The following MDGA2 variants were observed in gnomAD, a reference collection of about 807,000 sequenced individuals.
MDGA2 encodes MAM domain-containing glycosylphosphatidylinositol anchor protein 2.
MDGA2 carries 40 observed loss-of-function variants against 117.8 expected under a neutral mutation model. The observed-to-expected ratio is 0.34, with a 90% CI of 0.26 to 0.44. The LOEUF (loss-of-function observed/expected upper bound fraction) is 0.44, where lower values mean the gene tolerates loss of function less well. Ranked by LOEUF, MDGA2 falls within the 20% of genes least tolerant of loss-of-function variation. The pLI, the probability that MDGA2 is intolerant of heterozygous loss-of-function variation, is 1.00. For synonymous variants in MDGA2, 452 were observed against 439.0 expected, an observed-to-expected ratio of 1.03 and a Z score of -0.37; for missense variants, 1,123 against 1,250.6, an observed-to-expected ratio of 0.90 and a Z score of 1.54.
chr14:47,141,338 C>T (rs182932860), intron 4 of MDGA2, among the ~76,000 whole-genome samples: 90 of 152,284 alleles, frequency 5.9e-4, no homozygotes, highest in African/African-American at 2.0e-3. Flanking sequence ...GAGATACCTG[C>T]ACCTCCATAT....
At chr14:47,294,836 A>G (rs567340220) in intron 2 of MDGA2, among the ~76,000 whole-genome samples, 3 of 152,328 alleles carry the variant, frequency 2.0e-5, no homozygotes, top group Non-Finnish European at 4.4e-5. Flanking sequence ...AATGTTTGCT[A>G]AGATTTTTAT....
chr14:47,406,032 A>G (rs1276824166), intron 1 of MDGA2, among the ~76,000 whole-genome samples: 1 of 152,138 alleles, frequency 6.6e-6, no homozygotes, highest in Non-Finnish European at 1.5e-5. Context: ...GTAATGGTCC[A>G]GAGAAACGAA....
chr14:47,205,026 TA>T, intron 3 of MDGA2, among the ~76,000 whole-genome samples: 1 of 151,936 alleles, frequency 6.6e-6, no homozygotes, highest in South Asian at 2.1e-4. Context: ...ACACATATAC[TA>T]GCAAATTTTT....
chr14:46,953,451 G>A (rs1381512755), intron 9 of MDGA2, among the ~76,000 whole-genome samples: 1 of 151,752 alleles, frequency 6.6e-6, no homozygotes. Context: ...AGTTAGAAGG[G>A]CATTCTACTT....
intron 1 of MDGA2, among the ~76,000 whole-genome samples, chr14:47,318,367 G>C (rs1367667179): frequency 6.6e-6 from 1 of 152,056 alleles, no homozygotes; most frequent in African/African-American, 2.4e-5. Flanking sequence ...GCCTTTGCAT[G>C]CATGTTGTTC....
intron 1 of MDGA2, among the ~76,000 whole-genome samples, chr14:47,625,712 C>G (rs895585191): frequency 2.0e-5 from 3 of 152,180 alleles, no homozygotes; most frequent in African/African-American, 4.8e-5. Context: ...TTCCCTACGT[C>G]AAGTCTTACC....
rs545011793 is a variant in MDGA2, at chr14:47,576,941, TG to T, written c.280+97575del. On this transcript the variant is annotated intron_variant, in intron 1 of 16. Coordinates refer to ENST00000399232, the MANE Select transcript of MDGA2 (RefSeq NM_001113498.3). Reference sequence around the variant, plus strand: ...TTTTGTTTATTTTTTTATAGAGATGTGGTCTCACTATATTGCCCAGGCTGGT... The same window carrying T: ...TTTTGTTTATTTTTTTATAGAGATGTGTCTCACTATATTGCCCAGGCTGGT... Among the ~76,000 whole-genome samples, 447 of 152,198 alleles carry T rather than the reference TG, an allele frequency of 2.9e-3. 4 individuals carry two copies. The highest frequency in any genetic ancestry group is 0.01 in the African/African-American group (425 of 41,538).
chr14:47,226,619 G>A (rs1335683039), intron 2 of MDGA2, among the ~76,000 whole-genome samples: 1 of 152,140 alleles, frequency 6.6e-6, no homozygotes, highest in African/African-American at 2.4e-5. Flanking sequence ...CACTAGAGGT[G>A]ACAGGAGGGT....
chr14:47,274,712 A>T (rs896986229), intron 2 of MDGA2, among the ~76,000 whole-genome samples: 1 of 152,086 alleles, frequency 6.6e-6, no homozygotes, highest in Non-Finnish European at 1.5e-5. Context: ...AAGGATACCA[A>T]TTCCCCAGCA....
chr14:47,130,452 C>A (rs530714685), intron 5 of MDGA2, among the ~76,000 whole-genome samples: 56 of 152,034 alleles, frequency 3.7e-4, no homozygotes, highest in Middle Eastern at 3.4e-3. Flanking sequence ...TAGGAGGGTC[C>A]CAATAAGTTT....
intron 1 of MDGA2, among the ~76,000 whole-genome samples, chr14:47,375,061 C>T (rs997975206): frequency 1.3e-5 from 2 of 151,708 alleles, no homozygotes; most frequent in African/African-American, 4.8e-5. Flanking sequence ...TACTTGGTTA[C>T]TTAACCTTTC....
At chr14:47,608,735 T>C (rs1305540822) in intron 1 of MDGA2, among the ~76,000 whole-genome samples, 1 of 152,094 alleles carries the variant, frequency 6.6e-6, no homozygotes, top group African/African-American at 2.4e-5. Context: ...AAAGAATCAC[T>C]CTGGCTGCTG....
intron 1 of MDGA2, among the ~76,000 whole-genome samples, chr14:47,470,415 T>A (rs955789318): frequency 3.3e-5 from 5 of 152,146 alleles, no homozygotes; most frequent in African/African-American, 1.2e-4. Context: ...GGTTGCTAGC[T>A]TCATACATGT....
At chr14:47,440,966 C>T (rs1892999236) in intron 1 of MDGA2, among the ~76,000 whole-genome samples, 1 of 152,050 alleles carries the variant, frequency 6.6e-6, no homozygotes, top group Non-Finnish European at 1.5e-5. Flanking sequence ...TGCAAATACA[C>T]AGTCAAACAA....
chr14:47,464,907 CAA>C (rs1893568457), intron 1 of MDGA2, among the ~76,000 whole-genome samples: 2 of 151,856 alleles, frequency 1.3e-5, no homozygotes, highest in East Asian at 3.9e-4. Flanking sequence ...AAAATAAAAA[CAA>C]AGCCAGAGAG....
At chr14:46,919,585 A>G (rs982483875) in intron 10 of MDGA2, among the ~76,000 whole-genome samples, 50 of 152,228 alleles carry the variant, frequency 3.3e-4, no homozygotes, top group African/African-American at 1.1e-3. Context: ...AACATTCTGT[A>G]TATGTCTTGA....
At chr14:46,981,407 GA>G (rs377288941) in intron 8 of MDGA2, among the ~76,000 whole-genome samples, 64 of 145,542 alleles carry the variant, frequency 4.4e-4, no homozygotes, top group African/African-American at 1.6e-3. Context: ...CCATCTCCAA[GA>G]AAAAAAAAAG....
rs559648702 is a variant in MDGA2 at position 47,069,559 on chromosome 14, C to G, written c.1196-7981G>C. Among the ~76,000 whole-genome samples the G allele has an allele frequency of 7.2e-5, 11 of 152,220 alleles. No individual in the cohort carries two copies. In the South Asian group the frequency reaches 1.9e-3, roughly 26 times the overall value. On this transcript the variant is annotated intron_variant, in intron 6 of 16. Coordinates refer to ENST00000399232, the MANE Select transcript of MDGA2 (RefSeq NM_001113498.3). Reference sequence around the variant, plus strand: ...ACATCACAATTGTCATGACATTGTCCCAGTTCTATCATTCAAACAGCAGTT... The same window carrying G: ...ACATCACAATTGTCATGACATTGTCGCAGTTCTATCATTCAAACAGCAGTT...
At chr14:47,042,359 G>A (rs1266146624) in intron 7 of MDGA2, among the ~76,000 whole-genome samples, 4 of 146,094 alleles carry the variant, frequency 2.7e-5, no homozygotes, top group African/African-American at 1.0e-4. Context: ...GCACACGCAT[G>A]CAGGTGCGTG....
Sources: gnomAD v4.1 joint callset for allele counts (sites outside exome capture counted in the v4.1 genomes callset) on GRCh38, gnomAD v4.1.1 for gene constraint, MANE v1.5 for transcripts, NCBI Gene and HGNC (gene_info 2026-07-23, HGNC 2026-07-21) for gene names.